The following SNRPB variants were observed in gnomAD, a reference collection of about 807,000 sequenced individuals.
SNRPB encodes small nuclear ribonucleoprotein-associated proteins B and B'.
In SNRPB, 5 loss-of-function variants were observed where a neutral mutation model predicts 26.6. The observed-to-expected ratio is 0.19, with a 90% CI of 0.10 to 0.39. The LOEUF is 0.39. Ranked by LOEUF, SNRPB falls within the 10% of genes least tolerant of loss-of-function variation. SNRPB has a pLI of 1.00. For synonymous variants in SNRPB, 122 were observed against 105.8 expected (o/e 1.15, Z -0.94); for missense variants, 211 against 311.9 (o/e 0.68, Z 2.44).
In SNRPB at chr20:2,463,640, C is replaced by A. The variant is rs193151613; in HGVS notation, c.420+107G>T. 51 of 788,040 alleles carry A rather than the reference C, an allele frequency of 6.5e-5. No individual in the cohort carries two copies. The highest frequency in any genetic ancestry group is 1.0e-4 in the Non-Finnish European group (50 of 480,868). 48.8% of individuals were successfully genotyped at this position (788,040 alleles called of 1,614,324 possible). A position where few individuals can be genotyped will look rare whatever the true frequency, so the allele number is the denominator to read the frequency against. ...TAAACCACAGTGAAACACTGATAGT[C>A]TGACAATCACAGGTTGGTCACTCTG... On this transcript the variant is annotated intron_variant, in intron 4 of 6. Transcript: ENST00000381342. The surrounding 1 kb of genome is among the most constrained non-coding windows in gnomAD (Gnocchi z 5.0).
At chr20:2,467,448 G>T (rs1360722278) in intron 2 of SNRPB, 159 bp downstream of exon 2, 5 of 688,852 alleles carry the variant, frequency 7.3e-6, no homozygotes, top group Middle Eastern at 2.5e-4. Context: ...GACTCAAAAA[G>T]ATTTCTTAGC....
At chr20:2,462,152 G>C (rs528446660) in intron 6 of SNRPB, among the ~76,000 whole-genome samples, 88 of 152,330 alleles carry the variant, frequency 5.8e-4, no homozygotes, top group African/African-American at 2.0e-3. Context: ...GGGTCACCAA[G>C]TTTGCCCATG....
rs1375992346 is a variant in SNRPB at position 2,464,940 on chromosome 20, C to T, written c.267+768G>A. On this transcript the variant is annotated intron_variant, in intron 3 of 6. Coordinates refer to ENST00000381342, the MANE Select transcript of SNRPB (RefSeq NM_003091.4). ...AAAGGGAAAACAAATTTGACTAGGT[C>T]TCTAAAGCCTGCTCTATTTCTATGT... is the stretch of plus-strand genomic sequence containing the variant. Among the ~76,000 whole-genome samples, 144 of 151,884 alleles carry T rather than the reference C, an allele frequency of 9.5e-4. 1 individual carries two copies. Among genetic ancestry groups the T allele is most frequent in the African/African-American group, 3.3e-3 (135 of 41,374 alleles).
rs2085083647 is a variant in SNRPB, at chr20:2,467,684, G to C, written c.78C>G (p.Ile26Met). The C allele has an allele frequency of 6.2e-7, 1 of 1,614,130 alleles. No individual in the cohort carries two copies. Among genetic ancestry groups the C allele is most frequent in the African/African-American group, 1.3e-5 (1 of 75,044 alleles). Residue 26 changes from isoleucine to methionine, a missense_variant, in exon 2 of 7, where the codon ATC becomes ATG. Physicochemically the swap from Ile to Met is conservative, Grantham distance 10 (BLOSUM62 1). Coordinates refer to ENST00000381342, the MANE Select transcript of SNRPB (RefSeq NM_003091.4). ...RMRCILQDGR[I>M]FIGTFKAFDK... ...CAAAAGCCTTGAAGGTGCCAATGAAGATCCGGCCGTCCTGCAGGATGCACC... is the reference window on the plus strand; with the variant it reads ...CAAAAGCCTTGAAGGTGCCAATGAACATCCGGCCGTCCTGCAGGATGCACC...
chr20:2,463,795 A>G lies in SNRPB; in HGVS notation c.372T>C (p.Pro124=). The change falls in exon 4 of 7, where the codon CCT becomes CCC. Residue 124 remains proline (P), a synonymous_variant. Coordinates refer to ENST00000381342, the MANE Select transcript of SNRPB (RefSeq NM_003091.4). This position sits in a 1 kb window ranked among gnomAD's most constrained non-coding sequence, Gnocchi z 5.0. ...IPAGVPMPQA[P]AGLAGPVRGV... ...CACGGACTGGCCCAGCAAGTCCTGC[A>G]GGAGCCTGGGGCATGGGAACCCCAG... 1 of 1,612,684 alleles carries G rather than the reference A, an allele frequency of 6.2e-7. No homozygotes were observed. The highest frequency in any genetic ancestry group is 8.5e-7 in the Non-Finnish European group (1 of 1,179,470).
At position 2,463,044 on chromosome 20, in the gene SNRPB, G is replaced by A. The variant is rs141971905; in HGVS notation, c.559+45C>T. The A allele has an allele frequency of 1.8e-4, 268 of 1,477,912 alleles. 1 individual carries two copies. In the East Asian group the frequency reaches 6.1e-3, roughly 34 times the overall value. 91.5% of individuals were successfully genotyped at this position (1,477,912 alleles called of 1,614,324 possible). ...TATATCTCATCATTAATCCAGCTAA[G>A]GCATCTTCTATCAATTAGCACTGGT... is the stretch of plus-strand genomic sequence containing the variant. On this transcript the variant is annotated intron_variant, in intron 5 of 6. Transcript: ENST00000381342. This position sits in a 1 kb window ranked among gnomAD's most constrained non-coding sequence, Gnocchi z 5.0.
chr20:2,470,750 T>C lies in SNRPB; in HGVS notation c.-60A>G, dbSNP rs987649568. 1.2e-5 allele frequency: 20 copies of C among 1,603,998 alleles called. No individual in the cohort carries two copies. Among genetic ancestry groups the C allele is most frequent in the Non-Finnish European group, 1.5e-5 (18 of 1,174,820 alleles). On this transcript the variant is annotated 5_prime_UTR_variant, in exon 1 of 7. Coordinates refer to ENST00000381342, the MANE Select transcript of SNRPB (RefSeq NM_003091.4). ...TTCGCCTCCTCAGAGGCCTAGCCTCTCTCCCACAGCCGATTTCCCGCCGCC... is the reference window on the plus strand; with the variant it reads ...TTCGCCTCCTCAGAGGCCTAGCCTCCCTCCCACAGCCGATTTCCCGCCGCC...
intron 2 of SNRPB, 55 bp downstream of exon 2, chr20:2,467,552 C>A (rs2085082334): frequency 1.9e-6 from 3 of 1,552,584 alleles, no homozygotes; most frequent in Admixed American, 3.4e-5. Flanking sequence ...GCTTGGCCCA[C>A]CCACTCAATC....
At position 2,467,698 on chromosome 20, in the gene SNRPB, G is replaced by T; in HGVS notation, c.64C>A (p.Gln22Lys). ...HIDYRMRCILQDGRIFIGTFK... is the reference protein window; with the variant it reads ...HIDYRMRCILKDGRIFIGTFK... Reference sequence around the variant, plus strand: ...GTGCCAATGAAGATCCGGCCGTCCTGCAGGATGCACCTCATCCTGTAATCA... The same window carrying T: ...GTGCCAATGAAGATCCGGCCGTCCTTCAGGATGCACCTCATCCTGTAATCA... The change falls in exon 2 of 7, where the codon CAG (glutamine) becomes AAG (lysine). Residue 22 changes from glutamine to lysine, a missense_variant. Coordinates refer to ENST00000381342, the MANE Select transcript of SNRPB (RefSeq NM_003091.4). 6.2e-7 allele frequency: 1 copy of T among 1,613,788 alleles called. No homozygotes were observed. The highest frequency in any genetic ancestry group is 1.1e-5 in the South Asian group (1 of 91,080).
chr20:2,469,066 G>A (rs571159794), intron 1 of SNRPB, among the ~76,000 whole-genome samples: 3 of 152,170 alleles, frequency 2.0e-5, no homozygotes, highest in Non-Finnish European at 4.4e-5. Context: ...ACATTCACTG[G>A]TCCAGCTCAA....
chr20:2,467,355 G>A, intron 2 of SNRPB: 2 of 586,580 alleles, frequency 3.4e-6, no homozygotes, highest in Non-Finnish European at 6.3e-6. Flanking sequence ...CCAGTACCCA[G>A]GGGCACGCAA....
chr20:2,467,129 T>C (rs560314801), intron 2 of SNRPB: 3 of 342,410 alleles, frequency 8.8e-6, no homozygotes, highest in African/African-American at 6.6e-5. Context: ...TATCTCCAAT[T>C]GTTTGTATAA....
chr20:2,462,118 G>A (rs2085038775), intron 6 of SNRPB, among the ~76,000 whole-genome samples, 179 bp from the exon 7 acceptor site: 1 of 152,160 alleles, frequency 6.6e-6, no homozygotes, highest in South Asian at 2.1e-4. Context: ...ACCCATAGAG[G>A]AATAATCCAG....
At chr20:2,468,426 G>C (rs1380697987) in intron 1 of SNRPB, among the ~76,000 whole-genome samples, 2 of 152,130 alleles carry the variant, frequency 1.3e-5, no homozygotes, top group African/African-American at 2.4e-5. Flanking sequence ...GACTATATAG[G>C]TATCACTTTG....
Position 2,463,205 on chromosome 20 carries a change from C to T in SNRPB, c.443G>A (p.Gly148Asp), listed in dbSNP as rs1282223596. ...SQQVMTPQGR[G>D]TVAAAAAAAT... is the part of the protein sequence containing the mutation. ...AGCAGCTGCAGCGGCTGCAACAGTA[C>T]CTCTTCCTTGTGGGGTCATCACCTA... The change falls in exon 5 of 7, where the codon GGT becomes GAT. Residue 148 changes from glycine to aspartate, a missense_variant. By Grantham distance (94) the Gly-to-Asp change is moderately conservative. Transcript: ENST00000381342. The surrounding 1 kb of genome is among the most constrained non-coding windows in gnomAD (Gnocchi z 5.0). 1.2e-6 allele frequency: 2 copies of T among 1,612,946 alleles called. No individual in the cohort carries two copies. Among genetic ancestry groups the T allele is most frequent in the African/African-American group, 2.7e-5 (2 of 74,904 alleles).
intron 2 of SNRPB, among the ~76,000 whole-genome samples, chr20:2,466,864 G>A (rs538774856): frequency 6.6e-6 from 1 of 152,196 alleles, no homozygotes; most frequent in South Asian, 2.1e-4. Context: ...TTGACCTTGG[G>A]TCACAGAAGA....
chr20:2,470,643 AAC>A (rs753019030), intron 1 of SNRPB, 43 bp downstream of exon 1: 2 of 1,612,772 alleles, frequency 1.2e-6, no homozygotes, highest in African/African-American at 1.3e-5. Flanking sequence ...CCCACTCCAC[AAC>A]AGACTCGGAA....
chr20:2,462,940 A>T, intron 5 of SNRPB, 149 bp downstream of exon 5: 1 of 948,224 alleles, frequency 1.1e-6, no homozygotes, highest in African/African-American at 1.6e-5. Context: ...TTGTCCACCT[A>T]GTCTCATCAG....
Position 2,467,588 on chromosome 20 carries a change from C to T in SNRPB, c.155+19G>A. ...CATTCCCATCCTCCAGTCTCCGCCCCCCACAGTCCACTCCTCACTTGATCT... is the reference window on the plus strand; with the variant it reads ...CATTCCCATCCTCCAGTCTCCGCCCTCCACAGTCCACTCCTCACTTGATCT... On this transcript the variant is annotated intron_variant, in intron 2 of 6. Coordinates refer to ENST00000381342, the MANE Select transcript of SNRPB (RefSeq NM_003091.4). 6.2e-7 allele frequency: 1 copy of T among 1,611,440 alleles called. No homozygotes were observed. The highest frequency in any genetic ancestry group is 1.1e-5 in the South Asian group (1 of 90,888).
Sources: gnomAD v4.1 joint callset for allele counts (sites outside exome capture counted in the v4.1 genomes callset) on GRCh38, gnomAD v4.1.1 for gene constraint, Gnocchi (gnomAD v3.1) non-coding constraint, MANE v1.5 for transcripts, NCBI Gene and HGNC (gene_info 2026-07-23, HGNC 2026-07-21) for gene names.